Variants in ANKS1B observed in about 807,000 individuals in gnomAD.
ANKS1B encodes the protein ankyrin repeat and sterile alpha motif domain containing 1B.
ANKS1B carries 36 observed loss-of-function variants against 148.3 expected under a neutral mutation model. The observed-to-expected ratio is 0.24, with a 90% CI of 0.19 to 0.32. The LOEUF is 0.32. Ranked by LOEUF, ANKS1B falls within the 10% of genes least tolerant of loss-of-function variation. The pLI, the probability that ANKS1B is intolerant of heterozygous loss-of-function variation, is 1.00. For missense variants in ANKS1B, 1,157 were observed against 1,542.6 expected, an observed-to-expected ratio of 0.75 and a Z score of 4.19; for synonymous variants, 542 against 560.8, an observed-to-expected ratio of 0.97 and a Z score of 0.47.
chr12:99,085,456 T>C (rs2051362899), intron 15 of ANKS1B, among the ~76,000 whole-genome samples: 1 of 152,176 alleles, frequency 6.6e-6, no homozygotes. Flanking sequence ...ATCAGTGACT[T>C]ACACATTGAT....
intron 17 of ANKS1B, chr12:98,894,762 A>G: frequency 1.0e-6 from 1 of 984,946 alleles, no homozygotes; most frequent in Non-Finnish European, 1.2e-6. Context: ...GGGCGCCCCC[A>G]GCGAATGCGA....
chr12:99,689,591 A>G lies in ANKS1B; in HGVS notation c.1129-34381T>C, dbSNP rs763221994. On this transcript the variant is annotated intron_variant, in intron 8 of 26. Coordinates refer to ENST00000683438, the MANE Select transcript of ANKS1B (RefSeq NM_001352186.2). The stretch of plus-strand genomic sequence containing the variant: ...GGTTAGCTCAAGTTAATCAAAAGGG[A>G]GAGTATCCTGGCTGAGCCAGACCTG... 9.2e-5 allele frequency among the ~76,000 whole-genome samples: 14 copies of G among 152,312 alleles called. 1 individual carries two copies. The South Asian group carries it at 2.1e-3, about 23-fold the overall frequency.
intron 15 of ANKS1B, among the ~76,000 whole-genome samples, chr12:99,113,487 G>C (rs1275684346): frequency 6.6e-6 from 1 of 152,224 alleles, no homozygotes; most frequent in East Asian, 1.9e-4. Context: ...CTGAAGCAGT[G>C]TTAGCATTAG....
intron 14 of ANKS1B, among the ~76,000 whole-genome samples, chr12:99,176,987 T>C (rs1170735487): frequency 1.3e-5 from 2 of 152,232 alleles, no homozygotes; most frequent in East Asian, 3.8e-4. Flanking sequence ...AGACTCTGAA[T>C]GCATATTTTC....
chr12:99,778,650 T>G (rs2063937251), intron 6 of ANKS1B, among the ~76,000 whole-genome samples: 2 of 152,162 alleles, frequency 1.3e-5, no homozygotes, highest in Admixed American at 1.3e-4. Flanking sequence ...TAATTTTAAT[T>G]TATATAAAAG....
intron 14 of ANKS1B, 41 bp downstream of exon 14, chr12:99,244,301 A>C: frequency 7.2e-7 from 1 of 1,385,144 alleles, no homozygotes; most frequent in Admixed American, 2.0e-5. Flanking sequence ...CTACTCCTTA[A>C]GCACATTTAT....
chr12:98,976,322 A>G (rs1230812107), intron 17 of ANKS1B: 4 of 152,260 alleles, frequency 2.6e-5, no homozygotes, highest in Admixed American at 2.6e-4. Context: ...ATGCTGAGTC[A>G]AGCCTAGCCA....
At chr12:99,257,008 G>A (rs916617312) in intron 12 of ANKS1B, among the ~76,000 whole-genome samples, 3 of 152,134 alleles carry the variant, frequency 2.0e-5, no homozygotes, top group Non-Finnish European at 4.4e-5. Flanking sequence ...ACTTTGGGAG[G>A]CTGAGACGGG....
chr12:99,417,248 T>C (rs1041218201), intron 11 of ANKS1B, among the ~76,000 whole-genome samples: 8 of 152,236 alleles, frequency 5.3e-5, no homozygotes, highest in Non-Finnish European at 1.2e-4. Context: ...CCATATGACT[T>C]AGGTCAAGTT....
intron 14 of ANKS1B, among the ~76,000 whole-genome samples, chr12:99,243,841 G>A (rs2089801050): frequency 6.6e-6 from 1 of 152,140 alleles, no homozygotes; most frequent in Non-Finnish European, 1.5e-5. Context: ...GACACAGGGT[G>A]GGGAACATCA....
At chr12:98,976,497 G>A (rs2099896328) in intron 17 of ANKS1B, 1 of 152,184 alleles carries the variant, frequency 6.6e-6, no homozygotes, top group Non-Finnish European at 1.5e-5. Context: ...CAAAGGAGGA[G>A]AACGTACAAA....
chr12:98,912,353 C>T (rs1279219382), intron 17 of ANKS1B, among the ~76,000 whole-genome samples: 1 of 152,166 alleles, frequency 6.6e-6, no homozygotes, highest in Non-Finnish European at 1.5e-5. Context: ...CTGCACTGCA[C>T]TCTAGTCATG....
At chr12:99,250,504 G>A (rs908849239) in intron 12 of ANKS1B, among the ~76,000 whole-genome samples, 1 of 152,188 alleles carries the variant, frequency 6.6e-6, no homozygotes, top group African/African-American at 2.4e-5. Context: ...CCAACCAAAA[G>A]CCAGCCAACT....
intron 17 of ANKS1B, among the ~76,000 whole-genome samples, chr12:99,033,710 C>T (rs1026109673): frequency 6.6e-6 from 1 of 152,116 alleles, no homozygotes; most frequent in African/African-American, 2.4e-5. Flanking sequence ...AACTCCTCTG[C>T]ACTCAGGTGC....
At chr12:99,161,171 G>A (rs536745498) in intron 14 of ANKS1B, among the ~76,000 whole-genome samples, 6 of 152,258 alleles carry the variant, frequency 3.9e-5, no homozygotes, top group African/African-American at 1.2e-4. Flanking sequence ...AGCACAGAAT[G>A]TTTTTCCATT....
intron 9 of ANKS1B, among the ~76,000 whole-genome samples, chr12:99,516,189 C>T: frequency 6.6e-6 from 1 of 152,048 alleles, no homozygotes; most frequent in Non-Finnish European, 1.5e-5. Context: ...GTTGTGTTTG[C>T]CTGTGCTTGA....
chr12:99,550,539 G>C (rs1320809214), intron 9 of ANKS1B, among the ~76,000 whole-genome samples: 1 of 151,676 alleles, frequency 6.6e-6, no homozygotes, highest in Non-Finnish European at 1.5e-5. Context: ...CAGGAGAATC[G>C]CTTGAACCCG....
intron 17 of ANKS1B, among the ~76,000 whole-genome samples, chr12:98,962,693 C>T (rs1038658112): frequency 6.6e-6 from 1 of 151,994 alleles, no homozygotes; most frequent in Non-Finnish European, 1.5e-5. Flanking sequence ...GTATGTTAGG[C>T]CACAAAACAA....
chr12:99,687,802 A>C (rs1247293391), intron 8 of ANKS1B, among the ~76,000 whole-genome samples: 1 of 151,978 alleles, frequency 6.6e-6, no homozygotes, highest in African/African-American at 2.4e-5. Flanking sequence ...TGCTAAATCT[A>C]TTGTCTCTGT....
Sources: gnomAD v4.1 joint callset for allele counts (sites outside exome capture counted in the v4.1 genomes callset) on GRCh38, gnomAD v4.1.1 for gene constraint, MANE v1.5 for transcripts, NCBI Gene and HGNC (gene_info 2026-07-23, HGNC 2026-07-21) for gene names.